The following ZNF521 variants were observed in gnomAD, a reference collection of about 807,000 sequenced individuals.
The protein encoded by ZNF521 is zinc finger protein 521.
ZNF521 carries 14 observed loss-of-function variants against 105.5 expected under a neutral mutation model. The ratio of observed to expected loss-of-function variants is 0.13; its 90% confidence interval spans 0.09 to 0.21. The LOEUF is 0.21. ZNF521 is among the 10% of genes least tolerant of loss of function. The pLI is 1.00. For missense variants in ZNF521, 1,233 were observed against 1,629.7 expected (o/e 0.76, Z 4.19); for synonymous variants, 635 against 606.0 (o/e 1.05, Z -0.70).
At chr18:25,282,276 A>G (rs1319820524) in intron 3 of ZNF521, among the ~76,000 whole-genome samples, 2 of 152,158 alleles carry the variant, frequency 1.3e-5, no homozygotes, top group Non-Finnish European at 2.9e-5. Context: ...GGAGCCAGGT[A>G]GGAAGGCAGA....
intron 7 of ZNF521, among the ~76,000 whole-genome samples, chr18:25,070,145 G>T (rs1375028515): frequency 1.3e-5 from 2 of 152,154 alleles, no homozygotes; most frequent in Non-Finnish European, 2.9e-5. Flanking sequence ...GGACTATTAG[G>T]ACATTTGGTT....
At chr18:25,214,970 G>A (rs903813890) in intron 4 of ZNF521, among the ~76,000 whole-genome samples, 1 of 152,076 alleles carries the variant, frequency 6.6e-6, no homozygotes, top group Non-Finnish European at 1.5e-5. Flanking sequence ...GGCGAAAGAC[G>A]AAACACTAAC....
intron 5 of ZNF521, among the ~76,000 whole-genome samples, chr18:25,099,139 G>T (rs528523680): frequency 6.6e-6 from 1 of 152,058 alleles, no homozygotes. Context: ...TGATGTACAC[G>T]AAGTACCTAG....
chr18:25,176,704 C>T (rs1161593381), intron 5 of ZNF521, among the ~76,000 whole-genome samples: 1 of 152,204 alleles, frequency 6.6e-6, no homozygotes, highest in East Asian at 1.9e-4. Context: ...GCGAAGCCTA[C>T]AGGGGCTCCG....
chr18:25,259,288 G>C (rs768520870), intron 3 of ZNF521, among the ~76,000 whole-genome samples: 6 of 152,150 alleles, frequency 3.9e-5, no homozygotes, highest in Non-Finnish European at 7.4e-5. Flanking sequence ...GCCCATTCTA[G>C]GTACAGTCTT....
intron 5 of ZNF521, among the ~76,000 whole-genome samples, chr18:25,177,062 C>A (rs1417738127): frequency 6.6e-6 from 1 of 152,126 alleles, no homozygotes; most frequent in Non-Finnish European, 1.5e-5. Flanking sequence ...AACCTCTTGC[C>A]TGCTAAATTT....
At chr18:25,163,210 A>G (rs1465870368) in intron 5 of ZNF521, among the ~76,000 whole-genome samples, 1 of 152,202 alleles carries the variant, frequency 6.6e-6, no homozygotes, top group Non-Finnish European at 1.5e-5. Context: ...ATATCAGAGG[A>G]GAAAACTCAG....
At chr18:25,132,472 A>ATTTTG (rs1186311366) in intron 5 of ZNF521, among the ~76,000 whole-genome samples, 3 of 152,136 alleles carry the variant, frequency 2.0e-5, no homozygotes, top group Admixed American at 1.3e-4. Context: ...TTCAGGCACA[A>ATTTTG]TTTTGTTTTG....
At chr18:25,329,916 T>C (rs1913461928) in intron 2 of ZNF521, among the ~76,000 whole-genome samples, 1 of 152,018 alleles carries the variant, frequency 6.6e-6, no homozygotes, top group Non-Finnish European at 1.5e-5. Context: ...AGAAAGGAAA[T>C]AATGGTTCTG....
At chr18:25,126,956 C>T (rs1169978767) in intron 5 of ZNF521, among the ~76,000 whole-genome samples, 4 of 152,092 alleles carry the variant, frequency 2.6e-5, no homozygotes, top group African/African-American at 9.7e-5. Context: ...CCAAGTGACT[C>T]ATAAGGTCTG....
chr18:25,291,925 T>C (rs1428998129), intron 3 of ZNF521, among the ~76,000 whole-genome samples: 1 of 150,170 alleles, frequency 6.7e-6, no homozygotes, highest in Non-Finnish European at 1.5e-5. Context: ...GTTCCAATCA[T>C]TGCACCAAGA....
chr18:25,147,147 A>G (rs1328838102), intron 5 of ZNF521, among the ~76,000 whole-genome samples: 1 of 152,298 alleles, frequency 6.6e-6, no homozygotes, highest in East Asian at 1.9e-4. Flanking sequence ...AACTGCAAAG[A>G]CAATGATCAA....
chr18:25,334,468 T>C (rs1410748181), intron 2 of ZNF521, among the ~76,000 whole-genome samples: 2 of 152,186 alleles, frequency 1.3e-5, no homozygotes, highest in Admixed American at 6.5e-5. Flanking sequence ...GTGACTCAGT[T>C]TTCTCACCTA....
intron 3 of ZNF521, among the ~76,000 whole-genome samples, chr18:25,252,349 G>A (rs1006787253): frequency 1.3e-5 from 2 of 152,102 alleles, no homozygotes; most frequent in Admixed American, 1.3e-4. Context: ...ATTAGCTTCT[G>A]CAAATACCTA....
intron 4 of ZNF521, among the ~76,000 whole-genome samples, chr18:25,207,998 TA>T (rs940274109): frequency 6.6e-6 from 1 of 152,206 alleles, no homozygotes; most frequent in African/African-American, 2.4e-5. Context: ...AAGAAAAGGA[TA>T]ATATCAAATT....
intron 3 of ZNF521, among the ~76,000 whole-genome samples, chr18:25,286,751 A>T (rs1362326218): frequency 5.3e-5 from 8 of 152,194 alleles, no homozygotes; most frequent in African/African-American, 1.9e-4. Context: ...AAGGGGAATC[A>T]GAAATTTAAT....
chr18:25,078,696 G>A (rs2033422093), intron 7 of ZNF521, among the ~76,000 whole-genome samples: 1 of 152,208 alleles, frequency 6.6e-6, no homozygotes, highest in Admixed American at 6.5e-5. Context: ...TTCAGACCCG[G>A]ATTTGATTTA....
At chr18:25,296,060 C>T (rs9963402) in intron 3 of ZNF521, among the ~76,000 whole-genome samples, 10,354 of 152,262 alleles carry the variant, frequency 0.068, 689 homozygotes, top group African/African-American at 0.18. Context: ...ACAGACAACA[C>T]AGAAATAGCT....
intron 5 of ZNF521, among the ~76,000 whole-genome samples, chr18:25,096,782 C>T (rs1346392154): frequency 6.6e-6 from 1 of 152,146 alleles, no homozygotes; most frequent in East Asian, 1.9e-4. Context: ...GTCCTCCAGC[C>T]TCTTCCACTG....
Sources: allele counts gnomAD v4.1 joint callset (sites outside exome capture counted in the v4.1 genomes callset), GRCh38; gene constraint gnomAD v4.1.1; transcripts MANE v1.5; gene names NCBI Gene and HGNC (gene_info 2026-07-23, HGNC 2026-07-21).